Variants in CDH13 observed in about 807,000 individuals in gnomAD.
The protein encoded by CDH13 is cadherin-13.
A neutral mutation model predicts 63.8 loss-of-function variants in CDH13; 24 were observed. The observed-to-expected ratio is 0.38, with a 90% confidence interval of 0.27 to 0.53. CDH13 has a LOEUF of 0.53. Ranked by LOEUF, CDH13 falls within the 20% of genes least tolerant of loss-of-function variation. The probability of loss-of-function intolerance (pLI) is 0.85; values close to 1 mark genes in which losing one functional copy is unlikely to be tolerated. For missense variants in CDH13, 1,049 were observed against 903.1 expected, an observed-to-expected ratio of 1.16 and a Z score of -2.07; for synonymous variants, 503 against 355.3, an observed-to-expected ratio of 1.42 and a Z score of -4.67.
intron 10 of CDH13, among the ~76,000 whole-genome samples, chr16:83,690,537 G>A (rs1487153170): frequency 6.6e-6 from 1 of 152,146 alleles, no homozygotes; most frequent in Non-Finnish European, 1.5e-5. Context: ...CTCCGGAGAA[G>A]ATGGGGAAAG....
At chr16:83,625,468 C>T (rs1198654017) in intron 8 of CDH13, among the ~76,000 whole-genome samples, 1 of 152,168 alleles carries the variant, frequency 6.6e-6, no homozygotes, top group Non-Finnish European at 1.5e-5. Context: ...TACTGACCAT[C>T]GCTAACAGGA....
At position 83,242,473 on chromosome 16, in the gene CDH13, A is replaced by T. The variant is rs569799325; in HGVS notation, c.636+24976A>T. On this transcript the variant is annotated intron_variant, in intron 5 of 13. Coordinates refer to ENST00000567109, the MANE Select transcript of CDH13 (RefSeq NM_001257.5). ...AATTGTCTGAGTTGCAGCCAATATA[A>T]ACATAGGCCAAGTTTTTCTAAATCA... is the stretch of plus-strand genomic sequence containing the variant. 2.0e-5 allele frequency among the ~76,000 whole-genome samples: 3 copies of T among 152,320 alleles called. No homozygotes were observed. The East Asian group carries it at 5.8e-4, about 29-fold the overall frequency.
At chr16:83,397,589 T>C (rs1031889271) in intron 6 of CDH13, 1 of 152,236 alleles carries the variant, frequency 6.6e-6, no homozygotes, top group African/African-American at 2.4e-5. Context: ...CTGGTGTTGA[T>C]CTGATATCAC....
At chr16:82,946,280 A>T (rs934878980) in intron 2 of CDH13, among the ~76,000 whole-genome samples, 13 of 152,104 alleles carry the variant, frequency 8.5e-5, no homozygotes, top group Non-Finnish European at 1.9e-4. Flanking sequence ...GAAGGGTGGA[A>T]GGATGGAATA....
At chr16:83,316,461 C>G in intron 5 of CDH13, among the ~76,000 whole-genome samples, 1 of 152,280 alleles carries the variant, frequency 6.6e-6, no homozygotes, top group East Asian at 1.9e-4. Context: ...TCAGTGCTAC[C>G]GCTAGAGCTG....
Position 82,896,464 on chromosome 16 carries a change from T to C in CDH13, c.157+37991T>C, listed in dbSNP as rs181244681. On this transcript the variant is annotated intron_variant, in intron 2 of 13. Transcript: ENST00000567109. ...GTTCCCCACTATGCCTGGGTAATTT[T>C]TGTATTTTTTTTTTAGAGATTGGGT... Among the ~76,000 whole-genome samples, 19 of 151,828 alleles carry C rather than the reference T, an allele frequency of 1.3e-4. No homozygotes were observed. In the East Asian group the frequency reaches 3.3e-3, roughly 27 times the overall value.
At chr16:83,232,161 G>T (rs2040015117) in intron 5 of CDH13, among the ~76,000 whole-genome samples, 2 of 146,826 alleles carry the variant, frequency 1.4e-5, no homozygotes, top group Admixed American at 6.9e-5. Flanking sequence ...ACACAAGTTT[G>T]CCTGTGTAAC....
At chr16:83,209,675 G>A (rs2039283791) in intron 4 of CDH13, among the ~76,000 whole-genome samples, 1 of 152,168 alleles carries the variant, frequency 6.6e-6, no homozygotes, top group Admixed American at 6.5e-5. Flanking sequence ...CCCTGGGAAT[G>A]TGAAAGAGAA....
At chr16:82,785,536 A>T (rs1383021659) in intron 1 of CDH13, among the ~76,000 whole-genome samples, 3 of 152,186 alleles carry the variant, frequency 2.0e-5, no homozygotes, top group East Asian at 1.9e-4. Context: ...AAGATAAATC[A>T]CTCCAAGTAA....
chr16:83,353,521 GTATC>G (rs1325872666), intron 6 of CDH13, among the ~76,000 whole-genome samples: 5 of 152,230 alleles, frequency 3.3e-5, no homozygotes, highest in African/African-American at 1.2e-4. Flanking sequence ...TGGTAGAAGA[GTATC>G]TAACCAACCA....
chr16:83,650,561 C>T (rs1376913707), intron 8 of CDH13, among the ~76,000 whole-genome samples: 4 of 152,096 alleles, frequency 2.6e-5, no homozygotes, highest in South Asian at 4.1e-4. Flanking sequence ...TTCCACACCC[C>T]GCTGGGACAC....
Position 82,930,273 on chromosome 16 carries a change from G to A in CDH13, c.157+71800G>A, listed in dbSNP as rs978282648. ...ATTACAAGCATGAGCCGCTACGTCC[G>A]GCCTGTTCTTTATGTAAATGGAATC... On this transcript the variant is annotated intron_variant, in intron 2 of 13. Coordinates refer to ENST00000567109, the MANE Select transcript of CDH13 (RefSeq NM_001257.5). 7.2e-5 allele frequency among the ~76,000 whole-genome samples: 11 copies of A among 152,010 alleles called. 1 individual carries two copies. The South Asian group carries it at 1.5e-3, about 20-fold the overall frequency.
At chr16:83,706,334 A>G (rs1036608429) in intron 10 of CDH13, among the ~76,000 whole-genome samples, 1 of 152,048 alleles carries the variant, frequency 6.6e-6, no homozygotes, top group African/African-American at 2.4e-5. Flanking sequence ...CTTCTATTGC[A>G]CTCATTCATG....
chr16:83,621,307 A>T (rs1490089997), intron 8 of CDH13, among the ~76,000 whole-genome samples: 1 of 151,948 alleles, frequency 6.6e-6, no homozygotes, highest in Non-Finnish European at 1.5e-5. Flanking sequence ...GCTCTGTAGG[A>T]TTCCTTGCCA....
chr16:82,870,009 G>A (rs956619685), intron 2 of CDH13, among the ~76,000 whole-genome samples: 1 of 152,032 alleles, frequency 6.6e-6, no homozygotes, highest in South Asian at 2.1e-4. Context: ...TTCCTGCATA[G>A]CAAAGGAAAC....
chr16:83,060,220 A>C (rs72796226), intron 3 of CDH13, among the ~76,000 whole-genome samples: 5,764 of 152,262 alleles, frequency 0.038, 182 homozygotes, highest in South Asian at 0.087. Context: ...AGATGGATAT[A>C]AAGCAGATGT....
intron 6 of CDH13, among the ~76,000 whole-genome samples, chr16:83,377,318 A>C (rs890198775): frequency 6.6e-6 from 1 of 152,176 alleles, no homozygotes; most frequent in Admixed American, 6.5e-5. Flanking sequence ...GTTAAACCAC[A>C]CATCTGGCCC....
chr16:83,076,762 T>C (rs1333405134), intron 3 of CDH13, among the ~76,000 whole-genome samples: 2 of 152,166 alleles, frequency 1.3e-5, no homozygotes, highest in Non-Finnish European at 2.9e-5. Context: ...TTAATTAGAA[T>C]TCAATATTTG....
chr16:83,513,842 G>A (rs967627160), intron 7 of CDH13, among the ~76,000 whole-genome samples: 3 of 152,126 alleles, frequency 2.0e-5, no homozygotes, highest in Non-Finnish European at 2.9e-5. Context: ...ATAATAGGCC[G>A]CAGATCACCT....
Sources: allele counts gnomAD v4.1 joint callset (sites outside exome capture counted in the v4.1 genomes callset), GRCh38; gene constraint gnomAD v4.1.1; transcripts MANE v1.5; gene names NCBI Gene and HGNC (gene_info 2026-07-23, HGNC 2026-07-21).